Variants in ECT2 observed in about 807,000 individuals in gnomAD.
The protein encoded by ECT2 is epithelial cell transforming 2.
In ECT2, 61 loss-of-function variants were observed where a neutral mutation model predicts 116.9. The ratio of observed to expected loss-of-function variants is 0.52; its 90% CI spans 0.42 to 0.65. The LOEUF is 0.65. ECT2 is among the 30% of genes least tolerant of loss of function. The probability of loss-of-function intolerance (pLI) is 0.00; values close to 1 mark genes in which losing one functional copy is unlikely to be tolerated. For synonymous variants in ECT2, 358 were observed against 346.4 expected (o/e 1.03, Z -0.37); for missense variants, 937 against 1,078.7 (o/e 0.87, Z 1.84).
Position 172,754,548 on chromosome 3 carries a change from A to AT in ECT2, c.20dup (p.Leu7PhefsTer9). ...TACAAATCATGGCTGAAAATAGTGT[A>AT]TTAACATCCACTACTGGGAGGACTA... On this transcript the variant is annotated frameshift_variant, in exon 2 of 25. Transcript: ENST00000392692. LOFTEE classifies it high-confidence loss of function. 1 of 1,604,674 alleles carries AT rather than the reference A, an allele frequency of 6.2e-7. No homozygotes were observed. Among genetic ancestry groups the AT allele is most frequent in the Non-Finnish European group, 8.5e-7 (1 of 1,176,762 alleles).
chr3:172,751,881 T>A (rs1715925226), intron 1 of ECT2, among the ~76,000 whole-genome samples: 1 of 152,224 alleles, frequency 6.6e-6, no homozygotes, highest in African/African-American at 2.4e-5. Context: ...CCATTTCTAA[T>A]CTGACTGTTG....
At chr3:172,791,248 G>A (rs563827989) in intron 18 of ECT2, among the ~76,000 whole-genome samples, 19 of 152,302 alleles carry the variant, frequency 1.2e-4, no homozygotes, top group African/African-American at 2.9e-4. Context: ...AGCATAATTC[G>A]TAAGGGCCCT....
chr3:172,758,468 T>TACACACACACACACACACACACAC, intron 5 of ECT2, among the ~76,000 whole-genome samples: 1 of 151,006 alleles, frequency 6.6e-6, no homozygotes, highest in South Asian at 2.1e-4. Flanking sequence ...TTCTCTTTTA[T>TACACACACACACACACACACACAC]ACACACACAC....
intron 17 of ECT2, among the ~76,000 whole-genome samples, chr3:172,785,540 C>T (rs2108730280): frequency 6.6e-6 from 1 of 151,146 alleles, no homozygotes; most frequent in African/African-American, 2.4e-5. Context: ...AGAAGGATAA[C>T]TAAATTATAA....
downstream of ECT2, among the ~76,000 whole-genome samples, chr3:172,823,609 A>G (rs552398780): frequency 1.1e-4 from 17 of 152,324 alleles, no homozygotes; most frequent in South Asian, 3.5e-3. Context: ...TAAAGCAGCT[A>G]TCTCAATAAA....
intron 22 of ECT2, among the ~76,000 whole-genome samples, chr3:172,814,364 A>G (rs974665367): frequency 7.9e-5 from 12 of 152,074 alleles, no homozygotes; most frequent in African/African-American, 2.7e-4. Flanking sequence ...TATATTCTAC[A>G]TTTTTAAAAT....
chr3:172,793,880 T>C (rs760489164), intron 18 of ECT2, among the ~76,000 whole-genome samples: 1 of 152,244 alleles, frequency 6.6e-6, no homozygotes, highest in African/African-American at 2.4e-5. Flanking sequence ...GATTATTTGC[T>C]GTCATATTAC....
rs947415272 is a variant in ECT2 at position 172,751,334 on chromosome 3, G to A, written c.-23+477G>A. 2.0e-5 allele frequency among the ~76,000 whole-genome samples: 3 copies of A among 152,354 alleles called. No individual in the cohort carries two copies. The East Asian group carries it at 5.8e-4, about 29-fold the overall frequency. On this transcript the variant is annotated intron_variant, in intron 1 of 24. Transcript: ENST00000392692. ...TCGTCCTCCCCAGCCACCCGGCACAGATGTGTCCGGCTTAGTGGTTAAAGG... is the reference window on the plus strand; with the variant it reads ...TCGTCCTCCCCAGCCACCCGGCACAAATGTGTCCGGCTTAGTGGTTAAAGG...
intron 13 of ECT2, among the ~76,000 whole-genome samples, chr3:172,771,078 T>G (rs1284784242): frequency 6.6e-6 from 1 of 152,232 alleles, no homozygotes; most frequent in African/African-American, 2.4e-5. Flanking sequence ...TTTCACAGTT[T>G]ATTTAATAGC....
chr3:172,766,503 T>C (rs2108391758), intron 12 of ECT2, among the ~76,000 whole-genome samples: 1 of 152,310 alleles, frequency 6.6e-6, no homozygotes, highest in South Asian at 2.1e-4. Context: ...ATGTAATCTA[T>C]TACAATCGCT....
chr3:172,773,560 A>G (rs755704021), intron 13 of ECT2, among the ~76,000 whole-genome samples: 1 of 152,236 alleles, frequency 6.6e-6, no homozygotes, highest in Non-Finnish European at 1.5e-5. Flanking sequence ...TGGAGGCAGC[A>G]GATTGCTTGT....
At chr3:172,822,417 TC>T, downstream of ECT2, among the ~76,000 whole-genome samples, 5 of 151,912 alleles carry the variant, frequency 3.3e-5, no homozygotes, top group African/African-American at 1.2e-4. Flanking sequence ...AATCTGGAAA[TC>T]CTCAGATATG....
Position 172,766,627 on chromosome 3 carries a change from A to G in ECT2, c.1291+2127A>G, listed in dbSNP as rs115987662. The stretch of plus-strand genomic sequence containing the variant: ...AGCAATAGGGAGGAAATAAAAAGAG[A>G]TGAAGGCAAATTACTAATTTAAATG... On this transcript the variant is annotated intron_variant, in intron 12 of 24. Transcript: ENST00000392692. Among the ~76,000 whole-genome samples the G allele has an allele frequency of 8.6e-3, 1,307 of 152,312 alleles. 19 individuals are homozygous for G. The highest frequency in any genetic ancestry group is 0.029 in the African/African-American group (1,209 of 41,582).
At chr3:172,777,813 C>T (rs1048652085) in intron 14 of ECT2, among the ~76,000 whole-genome samples, 1 of 152,150 alleles carries the variant, frequency 6.6e-6, no homozygotes, top group African/African-American at 2.4e-5. Flanking sequence ...GTGTTAGGAT[C>T]GCTTGAACCC....
chr3:172,759,134 T>A, intron 6 of ECT2, 65 bp downstream of exon 6: 4 of 1,188,946 alleles, frequency 3.4e-6, no homozygotes, highest in Admixed American at 2.4e-5. Flanking sequence ...ATTGGCTTTT[T>A]TTTCTTTTTA....
downstream of ECT2, among the ~76,000 whole-genome samples, chr3:172,825,027 T>C (rs1016228517): frequency 2.0e-5 from 3 of 152,236 alleles, no homozygotes; most frequent in Non-Finnish European, 4.4e-5. Flanking sequence ...AATGCTGCAT[T>C]GAGCAAGTCT....
At chr3:172,770,978 C>T (rs931309033) in intron 13 of ECT2, among the ~76,000 whole-genome samples, 1 of 152,034 alleles carries the variant, frequency 6.6e-6, no homozygotes, top group African/African-American at 2.4e-5. Flanking sequence ...AGGTATTGGC[C>T]TGGAATTTTC....
At chr3:172,758,552 T>C (rs1321105273) in intron 5 of ECT2, among the ~76,000 whole-genome samples, 1 of 152,020 alleles carries the variant, frequency 6.6e-6, no homozygotes, top group Non-Finnish European at 1.5e-5. Flanking sequence ...GCTTAAAGAT[T>C]AGAATTATAT....
chr3:172,757,274 AT>A, intron 5 of ECT2, 109 bp downstream of exon 5: 1 of 781,632 alleles, frequency 1.3e-6, no homozygotes, highest in Non-Finnish European at 1.9e-6. Flanking sequence ...AGAGCAAAAT[AT>A]TTAGAATAGG....
Sources: gnomAD v4.1 joint callset for allele counts (sites outside exome capture counted in the v4.1 genomes callset) on GRCh38, gnomAD v4.1.1 for gene constraint, MANE v1.5 for transcripts, NCBI Gene and HGNC (gene_info 2026-07-23, HGNC 2026-07-21) for gene names.